Variants in SPATS2L observed in about 807,000 individuals in gnomAD.
The protein encoded by SPATS2L is SPATS2-like protein.
A neutral mutation model predicts 59.6 loss-of-function variants in SPATS2L; 30 were observed. The observed-to-expected ratio is 0.50, with a 90% CI of 0.38 to 0.68. The LOEUF (loss-of-function observed/expected upper bound fraction) is 0.68. SPATS2L is among the 30% of genes least tolerant of loss of function. The probability of loss-of-function intolerance (pLI) is 0.00; values close to 1 mark genes in which losing one functional copy is unlikely to be tolerated. For missense variants in SPATS2L, 615 were observed against 700.0 expected, an observed-to-expected ratio of 0.88 and a Z score of 1.37; for synonymous variants, 252 against 263.5, an observed-to-expected ratio of 0.96 and a Z score of 0.42.
rs144603250 is a variant in SPATS2L at position 200,318,054 on chromosome 2, C to G, written c.-73+11132C>G. On this transcript the variant is annotated intron_variant, in intron 1 of 12. Transcript: ENST00000409140. ...TGTTCTCAGTGTGGGCTGACTTTCACGTATTGTAGTGATTACCAGTACATA... is the reference window on the plus strand; with the variant it reads ...TGTTCTCAGTGTGGGCTGACTTTCAGGTATTGTAGTGATTACCAGTACATA... 3.5e-3 allele frequency among the ~76,000 whole-genome samples: 532 copies of G among 152,268 alleles called. 2 individuals are homozygous for G. Among genetic ancestry groups the G allele is most frequent in the Non-Finnish European group, 4.8e-3 (327 of 68,026 alleles).
chr2:200,347,628 G>C (rs902583248), intron 2 of SPATS2L, among the ~76,000 whole-genome samples: 6 of 152,164 alleles, frequency 3.9e-5, no homozygotes, highest in Admixed American at 6.5e-5. Context: ...CAACCCCAGG[G>C]CTCAGGTTGG....
intron 1 of SPATS2L, among the ~76,000 whole-genome samples, chr2:200,319,205 T>C (rs1009885137): frequency 6.6e-6 from 1 of 152,222 alleles, no homozygotes; most frequent in African/African-American, 2.4e-5. Flanking sequence ...CTAGTTCTCT[T>C]AACTGATAGT....
chr2:200,395,058 G>A (rs1212021184), intron 3 of SPATS2L, among the ~76,000 whole-genome samples: 2 of 152,072 alleles, frequency 1.3e-5, no homozygotes, highest in Non-Finnish European at 2.9e-5. Context: ...TCTAAATAAT[G>A]TATTTTTAAA....
upstream of SPATS2L, chr2:200,306,416 A>G: frequency 1.0e-6 from 1 of 1,002,382 alleles, no homozygotes; most frequent in Non-Finnish European, 1.2e-6. Flanking sequence ...GCAAGCAAGC[A>G]AAGTGCGGAA....
At chr2:200,333,123 A>C (rs1024351718) in intron 2 of SPATS2L, among the ~76,000 whole-genome samples, 2 of 142,740 alleles carry the variant, frequency 1.4e-5, no homozygotes, top group Non-Finnish European at 1.5e-5. Context: ...CTACAAATAC[A>C]AAAAAAAAAC....
chr2:200,314,944 T>C (rs949655438), intron 1 of SPATS2L, among the ~76,000 whole-genome samples: 1 of 152,266 alleles, frequency 6.6e-6, no homozygotes, highest in Non-Finnish European at 1.5e-5. Flanking sequence ...CTAAAATTAA[T>C]TTCACATATT....
Position 200,469,949 on chromosome 2 carries a change from C to G in SPATS2L, c.993C>G (p.Leu331=), listed in dbSNP as rs755947642. The G allele has an allele frequency of 1.2e-6, 2 of 1,612,064 alleles. No homozygotes were observed. Among genetic ancestry groups the G allele is most frequent in the Non-Finnish European group, 1.7e-6 (2 of 1,179,094 alleles). The part of the protein sequence containing the change: ...FVSERKYDEE[L]GKAARFSCDI... ...GCGAGCGTAAATATGACGAGGAGCT[C>G]GGGAAAGCTGCCCGGTTTTCCTGTG... Residue 331 remains leucine, a synonymous_variant, in exon 11 of 13, where the codon CTC becomes CTG. Transcript: ENST00000409140.
At chr2:200,307,274 C>G (rs2079053336) in intron 1 of SPATS2L, among the ~76,000 whole-genome samples, 1 of 151,572 alleles carries the variant, frequency 6.6e-6, no homozygotes, top group Non-Finnish European at 1.5e-5. Flanking sequence ...CCGCGGCCGC[C>G]GTCCCTCGCC....
chr2:200,344,432 TG>T (rs546699254), intron 2 of SPATS2L, among the ~76,000 whole-genome samples: 200 of 152,346 alleles, frequency 1.3e-3, no homozygotes, highest in African/African-American at 4.6e-3. Flanking sequence ...TAGTATTCCA[TG>T]GTGTATATGT....
At chr2:200,355,199 G>A (rs2080873005) in intron 2 of SPATS2L, among the ~76,000 whole-genome samples, 1 of 152,172 alleles carries the variant, frequency 6.6e-6, no homozygotes, top group African/African-American at 2.4e-5. Context: ...GAGACCGCCT[G>A]TGGAAAAACT....
chr2:200,411,839 A>G lies in SPATS2L; in HGVS notation c.40-472A>G, dbSNP rs145034357. ...TATCTTTAAACATTAATGGAATTTC[A>G]CAGCACACTTCTGTTGACCCTCAAG... On this transcript the variant is annotated intron_variant, in intron 3 of 12. Transcript: ENST00000409140. Among the ~76,000 whole-genome samples, 3 of 152,358 alleles carry G rather than the reference A, an allele frequency of 2.0e-5. No individual in the cohort carries two copies. In the East Asian group the frequency reaches 5.8e-4, roughly 29 times the overall value.
intron 2 of SPATS2L, among the ~76,000 whole-genome samples, chr2:200,346,362 G>C (rs962534845): frequency 3.9e-5 from 6 of 152,106 alleles, no homozygotes; most frequent in African/African-American, 1.4e-4. Flanking sequence ...TTTCTCCTCA[G>C]GAAAGTGAAA....
At chr2:200,315,468 C>G (rs1041547486) in intron 1 of SPATS2L, among the ~76,000 whole-genome samples, 1 of 152,122 alleles carries the variant, frequency 6.6e-6, no homozygotes, top group African/African-American at 2.4e-5. Context: ...ATTTGTGAGG[C>G]ACCAGCTGAA....
At chr2:200,306,588 G>A (rs1366517492), upstream of SPATS2L, 24 of 1,001,172 alleles carry the variant, frequency 2.4e-5, no homozygotes. Flanking sequence ...CGCCGGCTGG[G>A]GTGTGTGCTC....
chr2:200,475,809 C>T (rs2087473767), intron 12 of SPATS2L, among the ~76,000 whole-genome samples: 1 of 152,168 alleles, frequency 6.6e-6, no homozygotes, highest in African/African-American at 2.4e-5. Context: ...ATATTTGTAA[C>T]TCATAAAATT....
At chr2:200,340,039 A>G (rs2080270483) in intron 2 of SPATS2L, among the ~76,000 whole-genome samples, 1 of 152,112 alleles carries the variant, frequency 6.6e-6, no homozygotes, top group African/African-American at 2.4e-5. Context: ...CCTTCACATG[A>G]TGCTTTAGCT....
intron 8 of SPATS2L, among the ~76,000 whole-genome samples, chr2:200,456,719 G>A (rs2085857966): frequency 6.6e-6 from 1 of 152,080 alleles, no homozygotes; most frequent in Non-Finnish European, 1.5e-5. Flanking sequence ...CCTCTGCTTT[G>A]CCTGCAGTCT....
At chr2:200,385,724 G>A (rs553073133) in intron 2 of SPATS2L, among the ~76,000 whole-genome samples, 13 of 151,360 alleles carry the variant, frequency 8.6e-5, no homozygotes, top group African/African-American at 2.4e-4. Flanking sequence ...ATGGAGTCTC[G>A]CTCTGTCGCC....
chr2:200,361,998 C>T (rs1398311171), intron 2 of SPATS2L, among the ~76,000 whole-genome samples: 4 of 151,902 alleles, frequency 2.6e-5, no homozygotes, highest in East Asian at 1.9e-4. Flanking sequence ...CCCAGCACTT[C>T]GGGAGGCCAA....
Sources: gnomAD v4.1 joint callset for allele counts (sites outside exome capture counted in the v4.1 genomes callset) on GRCh38, gnomAD v4.1.1 for gene constraint, MANE v1.5 for transcripts, NCBI Gene and HGNC (gene_info 2026-07-23, HGNC 2026-07-21) for gene names.